Variants in SLC71A2 observed in about 807,000 individuals in gnomAD.
The protein encoded by SLC71A2 is solute carrier family 71 member 2, also known as hippocampus abundant transcript-like 1.
the SLC71A2 span, among the ~76,000 whole-genome samples, chr9:94,411,833 C>A: frequency 5.2e-3 from 798 of 152,180 alleles, 3 homozygotes; most frequent in Non-Finnish European, 8.9e-3. Flanking sequence ...TCAAGTGATC[C>A]GCCTGCCTCA....
chr9:94,378,484 CG>C, the SLC71A2 span, among the ~76,000 whole-genome samples: 2 of 151,770 alleles, frequency 1.3e-5, no homozygotes, highest in South Asian at 4.2e-4. Flanking sequence ...AAAAATTAGC[CG>C]GGTGTGATGG....
chr9:94,444,022 T>C, the SLC71A2 span, among the ~76,000 whole-genome samples: 1 of 152,220 alleles, frequency 6.6e-6, no homozygotes, highest in Non-Finnish European at 1.5e-5. Flanking sequence ...ATTTCAGATA[T>C]ACTGTGTTTT....
the SLC71A2 span, among the ~76,000 whole-genome samples, chr9:94,456,664 C>T: frequency 6.6e-6 from 1 of 152,124 alleles, no homozygotes; most frequent in African/African-American, 2.4e-5. Flanking sequence ...TAACAGATGT[C>T]TATTAAATAA....
chr9:94,394,953 G>A, the SLC71A2 span, among the ~76,000 whole-genome samples: 38 of 77,080 alleles, frequency 4.9e-4, no homozygotes, highest in East Asian at 6.9e-3. Flanking sequence ...TTGCTCTGTC[G>A]CCTAGGCTGG....
chr9:94,379,525 G>C, the SLC71A2 span, among the ~76,000 whole-genome samples: 11 of 149,108 alleles, frequency 7.4e-5, no homozygotes, highest in African/African-American at 2.7e-4. Context: ...TAGTAGCAAG[G>C]ACTATAGGCA....
the SLC71A2 span, chr9:94,445,007 T>C: frequency 6.2e-7 from 1 of 1,614,184 alleles, no homozygotes; most frequent in Non-Finnish European, 8.5e-7. Flanking sequence ...AGCCCGGCCA[T>C]TGGAGCATAT....
the SLC71A2 span, among the ~76,000 whole-genome samples, chr9:94,419,123 T>G: frequency 2.6e-5 from 4 of 152,084 alleles, no homozygotes; most frequent in East Asian, 7.7e-4. Context: ...TTTGGGTTTT[T>G]TTTTTTAAGA....
chr9:94,449,287 C>T, the SLC71A2 span, among the ~76,000 whole-genome samples: 1 of 152,124 alleles, frequency 6.6e-6, no homozygotes, highest in African/African-American at 2.4e-5. Context: ...AACACACTAA[C>T]ATTTTAGTTA....
At chr9:94,443,310 A>G in the SLC71A2 span, among the ~76,000 whole-genome samples, 1 of 152,200 alleles carries the variant, frequency 6.6e-6, no homozygotes, top group African/African-American at 2.4e-5. Context: ...GCAACTCAGC[A>G]TGCAAGGCTG....
At chr9:94,416,992 GGTTATTA>G in the SLC71A2 span, among the ~76,000 whole-genome samples, 5 of 152,004 alleles carry the variant, frequency 3.3e-5, no homozygotes, top group Non-Finnish European at 5.9e-5. Flanking sequence ...ACCTATAGTA[GGTTATTA>G]GTTATTAGTT....
chr9:94,449,137 G>A, the SLC71A2 span, among the ~76,000 whole-genome samples: 1 of 152,154 alleles, frequency 6.6e-6, no homozygotes, highest in Non-Finnish European at 1.5e-5. Context: ...ATCTCTTTAT[G>A]TAGGTAATAA....
the SLC71A2 span, chr9:94,459,471 A>G: frequency 6.3e-7 from 1 of 1,584,002 alleles, no homozygotes; most frequent in South Asian, 1.1e-5. Flanking sequence ...AGGGAGCCAC[A>G]CCCCTGGTGA....
chr9:94,382,525 C>G, the SLC71A2 span, among the ~76,000 whole-genome samples: 4 of 152,088 alleles, frequency 2.6e-5, no homozygotes, highest in African/African-American at 9.6e-5. Context: ...TCTTTTCATT[C>G]TCTCAGCAGT....
the SLC71A2 span, among the ~76,000 whole-genome samples, chr9:94,377,825 C>T: frequency 2.0e-5 from 3 of 151,840 alleles, no homozygotes; most frequent in African/African-American, 4.8e-5. Context: ...GGAGGTGTGT[C>T]GCCGGGCACG....
At chr9:94,396,098 C>G in the SLC71A2 span, among the ~76,000 whole-genome samples, 3 of 151,736 alleles carry the variant, frequency 2.0e-5, no homozygotes. Context: ...AGTGAAGTAC[C>G]TGCCTCTGCT....
the SLC71A2 span, among the ~76,000 whole-genome samples, chr9:94,383,564 A>C: frequency 2.0e-5 from 3 of 152,034 alleles, no homozygotes; most frequent in Non-Finnish European, 1.5e-5. Context: ...AGTACCCTGC[A>C]GTCTTGATTA....
chr9:94,438,666 A>C, the SLC71A2 span: 2 of 734,876 alleles, frequency 2.7e-6, no homozygotes, highest in Admixed American at 2.9e-5. Flanking sequence ...GTAATACTGA[A>C]AACCAGTTTG....
the SLC71A2 span, among the ~76,000 whole-genome samples, chr9:94,403,005 C>T: frequency 1.3e-5 from 2 of 152,186 alleles, no homozygotes; most frequent in Admixed American, 1.3e-4. Context: ...AAACTGAACT[C>T]TGTGCCCATT....
the SLC71A2 span, among the ~76,000 whole-genome samples, chr9:94,454,962 C>T: frequency 2.6e-5 from 4 of 152,194 alleles, no homozygotes; most frequent in South Asian, 8.3e-4. Context: ...TGGCAGGTTT[C>T]TCCATGTGCC....
Sources: allele counts gnomAD v4.1 joint callset (sites outside exome capture counted in the v4.1 genomes callset), GRCh38; gene constraint gnomAD v4.1.1; transcripts MANE v1.5; gene names NCBI Gene and HGNC (gene_info 2026-07-23, HGNC 2026-07-21).